EYS: variants seen among roughly 807,000 people sequenced by gnomAD.
EYS encodes the protein EGF-like photoreceptor maintenance factor.
EYS carries 250 observed loss-of-function variants against 282.1 expected under a neutral mutation model. The observed-to-expected ratio is 0.89, with a 90% CI of 0.80 to 0.98. EYS has a LOEUF of 0.98. Ranked by LOEUF, EYS falls within the 50% of genes least tolerant of loss-of-function variation. The pLI, the probability that EYS is intolerant of heterozygous loss-of-function variation, is 0.00. For missense variants in EYS, 4,016 were observed against 3,709.0 expected, an observed-to-expected ratio of 1.08 and a Z score of -2.15; for synonymous variants, 1,355 against 1,282.9, an observed-to-expected ratio of 1.06 and a Z score of -1.20.
chr6:63,853,336 A>G (rs948038608), intron 36 of EYS, among the ~76,000 whole-genome samples: 1 of 152,198 alleles, frequency 6.6e-6, no homozygotes, highest in Non-Finnish European at 1.5e-5. Flanking sequence ...CTATACGTCA[A>G]TAATAGACAC....
intron 10 of EYS, 142 bp from the exon 11 acceptor site, chr6:65,335,288 G>A: frequency 2.9e-6 from 2 of 699,390 alleles, no homozygotes; most frequent in South Asian, 1.6e-5. Context: ...GGTAACTATT[G>A]GACAAGGGTT....
intron 30 of EYS, among the ~76,000 whole-genome samples, chr6:64,273,472 G>T (rs1389756445): frequency 1.3e-5 from 2 of 150,812 alleles, no homozygotes; most frequent in East Asian, 1.9e-4. Context: ...TAACTATATA[G>T]TCTCTATGTT....
chr6:64,798,614 T>TG (rs917071321), intron 22 of EYS, among the ~76,000 whole-genome samples: 2 of 148,672 alleles, frequency 1.3e-5, no homozygotes, highest in African/African-American at 4.9e-5. Flanking sequence ...CTGGTTTTTT[T>TG]TTTTTTTTTT....
At chr6:65,244,791 G>A (rs1005534459) in intron 12 of EYS, among the ~76,000 whole-genome samples, 1 of 151,846 alleles carries the variant, frequency 6.6e-6, no homozygotes, top group African/African-American at 2.4e-5. Context: ...CAAAGTGCTG[G>A]GATTACAGGC....
Position 64,952,622 on chromosome 6 carries a change from T to C in EYS, c.2260-6708A>G, listed in dbSNP as rs146823285. 2.2e-3 allele frequency among the ~76,000 whole-genome samples: 332 copies of C among 152,108 alleles called. 1 individual carries two copies. The highest frequency in any genetic ancestry group is 6.8e-3 in the Middle Eastern group (2 of 294). On this transcript the variant is annotated intron_variant, in intron 14 of 42. Coordinates refer to ENST00000503581, the MANE Select transcript of EYS (RefSeq NM_001142800.2). ...CCAATCCCTGACCATACTTTCCAAG[T>C]TTTATCCACCTGCAAATGTCAAAAC...
rs1446831238 is a variant in EYS, at chr6:63,928,185, T to A, written c.7055+56198A>T. Reference sequence around the variant, plus strand: ...TGCTAGACAACACTGGCTTGTAAAATAACTGATTACTAGCAGAAAGAGAAG... The same window carrying A: ...TGCTAGACAACACTGGCTTGTAAAAAAACTGATTACTAGCAGAAAGAGAAG... On this transcript the variant is annotated intron_variant, in intron 35 of 42. Transcript: ENST00000503581. Among the ~76,000 whole-genome samples the A allele has an allele frequency of 3.3e-5, 5 of 152,312 alleles. No individual in the cohort carries two copies. The East Asian group carries it at 9.6e-4, about 29-fold the overall frequency.
At chr6:65,470,852 T>C (rs182007826) in intron 5 of EYS, among the ~76,000 whole-genome samples, 2 of 152,100 alleles carry the variant, frequency 1.3e-5, no homozygotes, top group Admixed American at 6.6e-5. Flanking sequence ...GGATATAGTG[T>C]TTAGTTCTAA....
At chr6:63,849,528 A>C (rs1772186908) in intron 36 of EYS, among the ~76,000 whole-genome samples, 1 of 152,214 alleles carries the variant, frequency 6.6e-6, no homozygotes, top group Non-Finnish European at 1.5e-5. Flanking sequence ...ATACCCATGC[A>C]AACAGTGTCA....
chr6:65,675,401 G>A (rs1768545847), intron 1 of EYS, among the ~76,000 whole-genome samples: 1 of 151,858 alleles, frequency 6.6e-6, no homozygotes, highest in African/African-American at 2.4e-5. Flanking sequence ...GATGCACATA[G>A]GTTGAAAATG....
intron 35 of EYS, among the ~76,000 whole-genome samples, chr6:63,922,023 G>C (rs1484488839): frequency 1.3e-5 from 2 of 152,138 alleles, no homozygotes; most frequent in African/African-American, 4.8e-5. Context: ...AAGGGAGAGA[G>C]ATTTACACAC....
chr6:64,162,919 TATTA>T (rs1475229140), intron 31 of EYS, among the ~76,000 whole-genome samples: 20 of 152,176 alleles, frequency 1.3e-4, no homozygotes, highest in South Asian at 6.2e-4. Flanking sequence ...TGAATTCATG[TATTA>T]ATTCATTTAG....
intron 35 of EYS, among the ~76,000 whole-genome samples, chr6:63,955,119 C>T (rs1291557940): frequency 6.6e-6 from 1 of 152,162 alleles, no homozygotes; most frequent in African/African-American, 2.4e-5. Context: ...GCCTTTCCCA[C>T]AGGGTCTGAG....
intron 22 of EYS, among the ~76,000 whole-genome samples, chr6:64,725,610 T>A (rs1771725507): frequency 6.6e-6 from 1 of 152,168 alleles, no homozygotes; most frequent in African/African-American, 2.4e-5. Context: ...AAATAATCAT[T>A]GTCATTTTGA....
intron 13 of EYS, among the ~76,000 whole-genome samples, chr6:65,047,714 T>G (rs1224370107): frequency 6.6e-6 from 1 of 151,958 alleles, no homozygotes; most frequent in Non-Finnish European, 1.5e-5. Context: ...CAAGAGATGA[T>G]GCAATTGAAC....
chr6:65,256,266 T>A (rs923936630), intron 12 of EYS, among the ~76,000 whole-genome samples: 3 of 139,466 alleles, frequency 2.2e-5, no homozygotes, highest in African/African-American at 8.9e-5. Flanking sequence ...AAACTTCTTT[T>A]TTTTTTTCTT....
chr6:63,912,661 G>A (rs1247525079), intron 35 of EYS, among the ~76,000 whole-genome samples: 1 of 152,102 alleles, frequency 6.6e-6, no homozygotes, highest in East Asian at 1.9e-4. Context: ...TGGTGGAGGT[G>A]GTTGGATTAT....
chr6:64,787,912 A>T (rs1774073057), intron 22 of EYS, among the ~76,000 whole-genome samples: 1 of 151,782 alleles, frequency 6.6e-6, no homozygotes, highest in African/African-American at 2.4e-5. Context: ...TTTTTCTGTT[A>T]TCTGGGTTTC....
At chr6:65,418,861 C>T (rs1767345380) in intron 5 of EYS, among the ~76,000 whole-genome samples, 1 of 151,894 alleles carries the variant, frequency 6.6e-6, no homozygotes. Flanking sequence ...GTCATGAATA[C>T]TAAAAGTATG....
At chr6:63,988,718 C>T (rs1452998708) in intron 34 of EYS, among the ~76,000 whole-genome samples, 1 of 151,482 alleles carries the variant, frequency 6.6e-6, no homozygotes, top group Non-Finnish European at 1.5e-5. Flanking sequence ...AAGATGAAAG[C>T]ACAGAGAACA....
Sources: gnomAD v4.1 joint callset for allele counts (sites outside exome capture counted in the v4.1 genomes callset) on GRCh38, gnomAD v4.1.1 for gene constraint, MANE v1.5 for transcripts, NCBI Gene and HGNC (gene_info 2026-07-23, HGNC 2026-07-21) for gene names.